JAZF1: variants seen among roughly 807,000 people sequenced by gnomAD.
The protein encoded by JAZF1 is juxtaposed with another zinc finger protein 1.
Under a neutral mutation model 26.4 loss-of-function variants are expected in JAZF1, and 8 were observed. The observed-to-expected ratio is 0.30, with a 90% CI of 0.18 to 0.55. The LOEUF (loss-of-function observed/expected upper bound fraction) is 0.55. Ranked by LOEUF, JAZF1 falls within the 20% of genes least tolerant of loss-of-function variation. The pLI, the probability that JAZF1 is intolerant of heterozygous loss-of-function variation, is 0.94. For synonymous variants in JAZF1, 126 were observed against 122.3 expected, an observed-to-expected ratio of 1.03 and a Z score of -0.20; for missense variants, 199 against 322.0, an observed-to-expected ratio of 0.62 and a Z score of 2.92.
At chr7:27,955,459 T>C (rs964888061) in intron 2 of JAZF1, among the ~76,000 whole-genome samples, 9 of 152,250 alleles carry the variant, frequency 5.9e-5, no homozygotes, top group Non-Finnish European at 1.3e-4. Flanking sequence ...CGTGTTTTCC[T>C]GATGGACATC....
chr7:27,956,861 T>C (rs1785104145), intron 2 of JAZF1, among the ~76,000 whole-genome samples: 1 of 152,160 alleles, frequency 6.6e-6, no homozygotes, highest in African/African-American at 2.4e-5. Context: ...ACTGGGAGGC[T>C]AGAGAGGCAG....
chr7:28,139,608 C>G (rs1782933539), intron 1 of JAZF1, among the ~76,000 whole-genome samples: 1 of 152,184 alleles, frequency 6.6e-6, no homozygotes, highest in Non-Finnish European at 1.5e-5. Flanking sequence ...GAGCACAACC[C>G]TGCCAACACC....
At chr7:27,996,561 T>A (rs1035224647) in intron 1 of JAZF1, among the ~76,000 whole-genome samples, 2 of 152,164 alleles carry the variant, frequency 1.3e-5, no homozygotes, top group African/African-American at 4.8e-5. Context: ...CAGCAACAAC[T>A]AATGGGTGCT....
rs1782902360 is a variant in JAZF1 at position 27,840,507 on chromosome 7, G to T, written c.555+191C>A. On this transcript the variant is annotated intron_variant, in intron 4 of 4. Transcript: ENST00000283928. The surrounding 1 kb of genome is among the most constrained non-coding windows in gnomAD (Gnocchi z 5.1). The stretch of plus-strand genomic sequence containing the variant: ...AGAGGGGAAAGCCCCGGCAGCAGCG[G>T]TGGCGGGTGAGCACTTCCTTGAGGG... 6.6e-6 allele frequency among the ~76,000 whole-genome samples: 1 copy of T among 152,250 alleles called. No individual in the cohort carries two copies. The highest frequency in any genetic ancestry group is 1.5e-5 in the Non-Finnish European group (1 of 68,044).
intron 1 of JAZF1, among the ~76,000 whole-genome samples, chr7:28,148,299 G>A (rs113818000): frequency 0.039 from 5,951 of 152,178 alleles, 359 homozygotes; most frequent in African/African-American, 0.13. Flanking sequence ...TCCATCTCCT[G>A]ACCTCAGGTG....
chr7:27,831,845 T>C lies in JAZF1; in HGVS notation c.*955A>G. 3 of 219,540 alleles carry C rather than the reference T, an allele frequency of 1.4e-5. No individual in the cohort carries two copies. The highest frequency in any genetic ancestry group is 2.7e-5 in the Non-Finnish European group (3 of 109,250). The allele number at this position is 219,540 out of a possible 1,614,324, so 13.6% of individuals were successfully genotyped here. A position where few individuals can be genotyped will look rare whatever the true frequency, so the allele number is the denominator to read the frequency against. On this transcript the variant is annotated 3_prime_UTR_variant, in exon 5 of 5. Coordinates refer to ENST00000283928, the MANE Select transcript of JAZF1 (RefSeq NM_175061.4). ...AGTGGTTGCAAGAATTGGCAACACA[T>C]AAACATTAAATTGTTGGCAATAGAG...
At chr7:28,006,245 T>G (rs952995687) in intron 1 of JAZF1, among the ~76,000 whole-genome samples, 1 of 152,176 alleles carries the variant, frequency 6.6e-6, no homozygotes, top group Non-Finnish European at 1.5e-5. Flanking sequence ...GGTGTGCTCC[T>G]GTAGTCCCAG....
intron 3 of JAZF1, among the ~76,000 whole-genome samples, chr7:27,857,110 C>T (rs556450625): frequency 4.6e-5 from 7 of 152,286 alleles, no homozygotes; most frequent in South Asian, 2.1e-4. Context: ...CAGGGGGCGG[C>T]GCTCGTCGGG....
intron 1 of JAZF1, among the ~76,000 whole-genome samples, chr7:28,120,403 A>C (rs904243510): frequency 1.3e-5 from 2 of 151,804 alleles, no homozygotes; most frequent in Non-Finnish European, 2.9e-5. Flanking sequence ...TGCTAAAAAG[A>C]AGTGAATAGA....
intron 1 of JAZF1, among the ~76,000 whole-genome samples, chr7:28,031,097 C>T (rs1331529494): frequency 6.6e-6 from 1 of 152,184 alleles, no homozygotes; most frequent in African/African-American, 2.4e-5. Context: ...TATGGTCTAG[C>T]TGTTGAGTCC....
intron 1 of JAZF1, among the ~76,000 whole-genome samples, chr7:28,069,308 T>G (rs1783933716): frequency 6.6e-6 from 1 of 152,216 alleles, no homozygotes; most frequent in Admixed American, 6.5e-5. Flanking sequence ...TCATGCATCA[T>G]AGCTGTATTA....
At chr7:28,115,887 A>G (rs1157611744) in intron 1 of JAZF1, among the ~76,000 whole-genome samples, 1 of 151,466 alleles carries the variant, frequency 6.6e-6, no homozygotes, top group Non-Finnish European at 1.5e-5. Context: ...CAAAGGGAGC[A>G]TACTATATAT....
chr7:28,158,160 C>CAA (rs1194603283), intron 1 of JAZF1, among the ~76,000 whole-genome samples: 272 of 90,826 alleles, frequency 3.0e-3, no homozygotes, highest in Admixed American at 5.8e-3. Flanking sequence ...CACACACACA[C>CAA]ACACACAAAC....
intron 3 of JAZF1, among the ~76,000 whole-genome samples, chr7:27,886,153 C>T (rs912325228): frequency 3.9e-5 from 6 of 152,170 alleles, no homozygotes; most frequent in African/African-American, 1.4e-4. Flanking sequence ...AGCAGTTGTT[C>T]CTGGCCCTAT....
At chr7:27,932,137 T>G (rs1452921522) in intron 2 of JAZF1, among the ~76,000 whole-genome samples, 1 of 152,002 alleles carries the variant, frequency 6.6e-6, no homozygotes, top group African/African-American at 2.4e-5. Flanking sequence ...GAGAAGAGTT[T>G]TATGTGTATG....
At chr7:28,018,322 A>G (rs1007007094) in intron 1 of JAZF1, among the ~76,000 whole-genome samples, 2 of 152,238 alleles carry the variant, frequency 1.3e-5, no homozygotes, top group Admixed American at 6.5e-5. Context: ...GGCAGGAGCC[A>G]GCTTTCACAG....
chr7:28,066,890 C>CA (rs1304943256), intron 1 of JAZF1, among the ~76,000 whole-genome samples: 14 of 151,962 alleles, frequency 9.2e-5, no homozygotes, highest in Non-Finnish European at 7.4e-5. Context: ...AAAAGCTATC[C>CA]AAAAAAACCC....
chr7:28,093,143 T>G (rs1183531038), intron 1 of JAZF1, among the ~76,000 whole-genome samples: 2 of 152,180 alleles, frequency 1.3e-5, no homozygotes, highest in Admixed American at 1.3e-4. Context: ...GAATTTGGTG[T>G]TTGATATGGT....
At chr7:27,912,474 C>T (rs1308448596) in intron 2 of JAZF1, among the ~76,000 whole-genome samples, 1 of 152,082 alleles carries the variant, frequency 6.6e-6, no homozygotes, top group Non-Finnish European at 1.5e-5. Context: ...TACTCTGCAT[C>T]CTATCGAACG....
Sources: allele counts gnomAD v4.1 joint callset (sites outside exome capture counted in the v4.1 genomes callset), GRCh38; gene constraint gnomAD v4.1.1; non-coding constraint Gnocchi (gnomAD v3.1); transcripts MANE v1.5; gene names NCBI Gene and HGNC (gene_info 2026-07-23, HGNC 2026-07-21).